The following BABAM2 variants were observed in gnomAD, a reference collection of about 807,000 sequenced individuals.
BABAM2 encodes the protein BRISC and BRCA1 A complex member 2, also known as BRISC and BRCA1-A complex member 2.
A neutral mutation model predicts 54.7 loss-of-function variants in BABAM2; 31 were observed. The ratio of observed to expected loss-of-function variants is 0.57; its 90% CI spans 0.43 to 0.77. The LOEUF (loss-of-function observed/expected upper bound fraction) is 0.77, where lower values mean the gene tolerates loss of function less well. BABAM2 is among the 30% of genes least tolerant of loss of function. BABAM2 has a pLI of 0.00. For missense variants in BABAM2, 364 were observed against 455.8 expected (o/e 0.80, Z 1.83); for synonymous variants, 167 against 162.9 (o/e 1.03, Z -0.19).
intron 4 of BABAM2, among the ~76,000 whole-genome samples, chr2:27,992,745 T>A (rs2148495123): frequency 1.3e-5 from 2 of 152,280 alleles, no homozygotes; most frequent in East Asian, 3.9e-4. Flanking sequence ...AACTTGAACT[T>A]CTTCTCTTTT....
At chr2:27,983,942 C>CTTTTTTATTTTTTTTTTTTTTTTT (rs1672198794) in intron 3 of BABAM2, among the ~76,000 whole-genome samples, 1 of 31,138 alleles carries the variant, frequency 3.2e-5, no homozygotes. Context: ...CATTTTGTAC[C>CTTTTTTATTTTTTTTTTTTTTTTT]TTTTTTTTTT....
chr2:28,202,312 T>C (rs1359097123), intron 7 of BABAM2, among the ~76,000 whole-genome samples: 2 of 152,152 alleles, frequency 1.3e-5, no homozygotes, highest in Non-Finnish European at 2.9e-5. Context: ...GAACCCAGCC[T>C]CTCTCCCTTC....
intron 11 of BABAM2, among the ~76,000 whole-genome samples, chr2:28,299,282 G>A (rs1013141136): frequency 1.3e-5 from 2 of 152,194 alleles, no homozygotes; most frequent in African/African-American, 4.8e-5. Context: ...TCTCAGTGTG[G>A]AAGGCCTCAC....
intron 3 of BABAM2, among the ~76,000 whole-genome samples, chr2:27,955,485 C>A (rs1670018768): frequency 6.6e-6 from 1 of 152,158 alleles, no homozygotes; most frequent in Non-Finnish European, 1.5e-5. Context: ...TTACTCTGAT[C>A]GTTTTGTTGG....
chr2:28,169,421 T>C (rs1054864455), intron 7 of BABAM2, among the ~76,000 whole-genome samples: 1 of 152,100 alleles, frequency 6.6e-6, no homozygotes, highest in Non-Finnish European at 1.5e-5. Context: ...GTGGAGTGTT[T>C]TTACCTGACA....
intron 7 of BABAM2, among the ~76,000 whole-genome samples, chr2:28,192,403 A>T (rs144232077): frequency 0.016 from 2,402 of 152,026 alleles, 65 homozygotes; most frequent in African/African-American, 0.055. Context: ...TACGTAAAAA[A>T]CCTGCACGTT....
chr2:27,997,864 C>T (rs1673278518), intron 4 of BABAM2, among the ~76,000 whole-genome samples: 1 of 152,022 alleles, frequency 6.6e-6, no homozygotes, highest in African/African-American at 2.4e-5. Context: ...CAAGAATATG[C>T]TTATCCAGGG....
chr2:27,890,189 CTGGGCGCA>C, upstream of BABAM2: 1 of 1,488,234 alleles, frequency 6.7e-7, no homozygotes, highest in Non-Finnish European at 9.3e-7. The surrounding 1 kb of genome is among the most constrained non-coding windows in gnomAD (Gnocchi z 4.8). Context: ...AAAAGCTCCA[CTGGGCGCA>C]TAGCGCACGG....
chr2:28,004,619 G>T (rs1673820749), intron 4 of BABAM2, among the ~76,000 whole-genome samples: 1 of 151,874 alleles, frequency 6.6e-6, no homozygotes, highest in South Asian at 2.1e-4. Flanking sequence ...TTCTTTAGGA[G>T]GTTAAAAAAT....
chr2:28,128,659 A>C (rs1309402849), intron 6 of BABAM2, among the ~76,000 whole-genome samples: 1 of 152,208 alleles, frequency 6.6e-6, no homozygotes, highest in Non-Finnish European at 1.5e-5. Flanking sequence ...ATTGGTACAT[A>C]CTTGGATCAA....
At chr2:27,998,017 G>A (rs1264723048) in intron 4 of BABAM2, among the ~76,000 whole-genome samples, 1 of 152,108 alleles carries the variant, frequency 6.6e-6, no homozygotes, top group Non-Finnish European at 1.5e-5. Context: ...GCTGGGCATG[G>A]TGGCGCGCAC....
chr2:28,200,872 G>A (rs970197475), intron 7 of BABAM2, among the ~76,000 whole-genome samples: 2 of 152,116 alleles, frequency 1.3e-5, no homozygotes, highest in Non-Finnish European at 2.9e-5. Flanking sequence ...GGGTTCAGGC[G>A]ATTCTCCTGC....
At chr2:28,126,147 T>C (rs1474592097) in intron 6 of BABAM2, among the ~76,000 whole-genome samples, 3 of 151,930 alleles carry the variant, frequency 2.0e-5, no homozygotes, top group Non-Finnish European at 4.4e-5. Flanking sequence ...TTAATTTTAT[T>C]TTATTATTAT....
chr2:28,318,109 G>A (rs1689718134), intron 11 of BABAM2, among the ~76,000 whole-genome samples: 1 of 152,178 alleles, frequency 6.6e-6, no homozygotes, highest in Admixed American at 6.5e-5. Flanking sequence ...CTCTGCCTTG[G>A]TGGCCCTGAG....
chr2:27,892,524 A>G (rs1211767725), intron 1 of BABAM2: 2 of 152,178 alleles, frequency 1.3e-5, no homozygotes, highest in Non-Finnish European at 2.9e-5. Flanking sequence ...TCCCTTCAAG[A>G]ATTGTGACAT....
intron 3 of BABAM2, among the ~76,000 whole-genome samples, chr2:27,949,256 G>A (rs1669526224): frequency 6.6e-6 from 1 of 152,198 alleles, no homozygotes; most frequent in African/African-American, 2.4e-5. Context: ...TTGTTGGCTG[G>A]GAGCGGTGGC....
At chr2:28,015,255 CT>C (rs971449506) in intron 4 of BABAM2, among the ~76,000 whole-genome samples, 2 of 152,154 alleles carry the variant, frequency 1.3e-5, no homozygotes, top group African/African-American at 4.8e-5. Context: ...AAACCACCCC[CT>C]AACCCTAAAA....
intron 6 of BABAM2, among the ~76,000 whole-genome samples, chr2:28,108,294 C>G (rs960680089): frequency 2.6e-5 from 4 of 152,130 alleles, no homozygotes; most frequent in African/African-American, 9.7e-5. Flanking sequence ...TTGTCTCATT[C>G]AAGTTGAATC....
intron 3 of BABAM2, among the ~76,000 whole-genome samples, chr2:27,971,765 T>G (rs1671239999): frequency 6.6e-6 from 1 of 152,102 alleles, no homozygotes; most frequent in South Asian, 2.1e-4. Flanking sequence ...TTATATTTAA[T>G]TCTGAACTAC....
Sources: allele counts gnomAD v4.1 joint callset (sites outside exome capture counted in the v4.1 genomes callset), GRCh38; gene constraint gnomAD v4.1.1; non-coding constraint Gnocchi (gnomAD v3.1); transcripts MANE v1.5; gene names NCBI Gene and HGNC (gene_info 2026-07-23, HGNC 2026-07-21).